Variants in PPM1E observed in about 807,000 individuals in gnomAD.
PPM1E encodes protein phosphatase 1E.
PPM1E carries 20 observed loss-of-function variants against 65.9 expected under a neutral mutation model. The ratio of observed to expected loss-of-function variants is 0.30; its 90% CI spans 0.21 to 0.44. PPM1E has a LOEUF of 0.44. PPM1E is among the 20% of genes least tolerant of loss of function. PPM1E has a pLI of 1.00. For missense variants in PPM1E, 713 were observed against 953.1 expected (o/e 0.75, Z 3.32); for synonymous variants, 352 against 374.9 (o/e 0.94, Z 0.70).
intron 1 of PPM1E, among the ~76,000 whole-genome samples, chr17:58,822,807 G>C (rs531421738): frequency 6.6e-6 from 1 of 152,262 alleles, no homozygotes; most frequent in African/African-American, 2.4e-5. Context: ...GATAATTAAA[G>C]TTATGCTATC....
intron 1 of PPM1E, among the ~76,000 whole-genome samples, chr17:58,908,633 T>C (rs1485435739): frequency 6.6e-6 from 1 of 151,564 alleles, no homozygotes; most frequent in Non-Finnish European, 1.5e-5. Flanking sequence ...AGAGATGGGG[T>C]TTCGCCATGT....
chr17:58,799,505 C>T (rs909850246), intron 1 of PPM1E, among the ~76,000 whole-genome samples: 1 of 151,984 alleles, frequency 6.6e-6, no homozygotes, highest in African/African-American at 2.4e-5. Context: ...TGCAGTGGCA[C>T]GATCTTGGCT....
At chr17:58,804,060 C>A (rs1429606232) in intron 1 of PPM1E, among the ~76,000 whole-genome samples, 2 of 152,138 alleles carry the variant, frequency 1.3e-5, no homozygotes, top group Admixed American at 1.3e-4. Flanking sequence ...TCTCAAGTAG[C>A]TGAGACTACA....
At chr17:58,973,008 G>A (rs1305585918) in intron 6 of PPM1E, 83 bp downstream of exon 6, 2 of 861,574 alleles carry the variant, frequency 2.3e-6, no homozygotes, top group Non-Finnish European at 3.7e-6. Context: ...GGGAACCTGA[G>A]ATGATAATTT....
At chr17:58,966,417 G>GA in intron 3 of PPM1E, 1 of 104,118 alleles carries the variant, frequency 9.6e-6, no homozygotes, top group Admixed American at 1.6e-4. Context: ...AAGCAGTTTT[G>GA]TAAAAAAAAA....
At chr17:58,893,377 T>C (rs1031593670) in intron 1 of PPM1E, among the ~76,000 whole-genome samples, 1 of 152,134 alleles carries the variant, frequency 6.6e-6, no homozygotes, top group African/African-American at 2.4e-5. Flanking sequence ...TATTGTATGA[T>C]TGCAACTATA....
intron 1 of PPM1E, among the ~76,000 whole-genome samples, chr17:58,795,025 G>T (rs1349398771): frequency 6.6e-6 from 1 of 151,642 alleles, no homozygotes; most frequent in Non-Finnish European, 1.5e-5. Flanking sequence ...AGTAGCTGGG[G>T]TTACAGGAGC....
intron 1 of PPM1E, among the ~76,000 whole-genome samples, chr17:58,913,682 G>A (rs528998331): frequency 6.6e-6 from 1 of 152,180 alleles, no homozygotes; most frequent in Admixed American, 6.5e-5. Flanking sequence ...TGAACTCATA[G>A]GGAATCTAAG....
intron 2 of PPM1E, among the ~76,000 whole-genome samples, chr17:58,961,439 C>T (rs564430184): frequency 7.6e-4 from 116 of 152,222 alleles, no homozygotes; most frequent in Middle Eastern, 3.4e-3. Flanking sequence ...AATGATGTTA[C>T]CTATTTGTGA....
chr17:58,778,195 G>T lies in PPM1E; in HGVS notation c.464+21734G>T, dbSNP rs564847342. Among the ~76,000 whole-genome samples the T allele has an allele frequency of 3.9e-5, 6 of 152,148 alleles. No homozygotes were observed. In the South Asian group the frequency reaches 1.0e-3, roughly 26 times the overall value. On this transcript the variant is annotated intron_variant, in intron 1 of 6. Coordinates refer to ENST00000308249, the MANE Select transcript of PPM1E (RefSeq NM_014906.5). Reference sequence around the variant, plus strand: ...GCTCCCTGCAAACTCCGCCTGGCAGGTTCAAACAATTATCCTGCCTCAGCC... The same window carrying T: ...GCTCCCTGCAAACTCCGCCTGGCAGTTTCAAACAATTATCCTGCCTCAGCC...
chr17:58,964,987 G>T (rs1307387430), intron 2 of PPM1E, among the ~76,000 whole-genome samples: 1 of 151,460 alleles, frequency 6.6e-6, no homozygotes, highest in African/African-American at 2.4e-5. Context: ...GGAGGTTGCA[G>T]TGAGCCAAGA....
intron 1 of PPM1E, among the ~76,000 whole-genome samples, chr17:58,859,280 A>T (rs2050914324): frequency 6.6e-6 from 1 of 152,194 alleles, no homozygotes; most frequent in Admixed American, 6.5e-5. Context: ...ACCTTTCCTG[A>T]TCATTTACAG....
At chr17:58,950,679 A>T (rs1467531080) in intron 1 of PPM1E, among the ~76,000 whole-genome samples, 10 of 145,920 alleles carry the variant, frequency 6.9e-5, no homozygotes, top group Admixed American at 1.4e-4. Flanking sequence ...AAGTTCAAAA[A>T]TTTTTTCTTC....
intron 1 of PPM1E, among the ~76,000 whole-genome samples, chr17:58,949,455 T>TTTG (rs748700439): frequency 6.6e-6 from 1 of 152,308 alleles, no homozygotes; most frequent in South Asian, 2.1e-4. Context: ...GTTTGTTTGC[T>TTTG]TTGTTGTTGT....
intron 1 of PPM1E, among the ~76,000 whole-genome samples, chr17:58,953,816 C>T (rs949301876): frequency 1.4e-5 from 2 of 148,140 alleles, no homozygotes; most frequent in African/African-American, 2.5e-5. Flanking sequence ...GGCACGATCT[C>T]GGCTCACCGC....
intron 1 of PPM1E, among the ~76,000 whole-genome samples, chr17:58,843,120 C>G (rs2050736239): frequency 6.6e-6 from 1 of 151,784 alleles, no homozygotes; most frequent in South Asian, 2.1e-4. Context: ...CTTGTCTCTA[C>G]TAAAAATACA....
chr17:58,975,047 T>A (rs1391111592), intron 6 of PPM1E, among the ~76,000 whole-genome samples: 2 of 152,212 alleles, frequency 1.3e-5, no homozygotes, highest in African/African-American at 4.8e-5. Flanking sequence ...AAAGTCTTTA[T>A]CATGCACATT....
At chr17:58,771,373 C>G (rs2049936504) in intron 1 of PPM1E, among the ~76,000 whole-genome samples, 1 of 151,534 alleles carries the variant, frequency 6.6e-6, no homozygotes, top group African/African-American at 2.4e-5. Flanking sequence ...CATGGTGGCT[C>G]CCAGCACTTT....
intron 1 of PPM1E, among the ~76,000 whole-genome samples, chr17:58,830,275 CTGT>C (rs570368314): frequency 2.3e-4 from 32 of 141,514 alleles, no homozygotes; most frequent in Middle Eastern, 3.6e-3. Context: ...TCAGCTTTCA[CTGT>C]TGTTGTTGTT....
Sources: gnomAD v4.1 joint callset for allele counts (sites outside exome capture counted in the v4.1 genomes callset) on GRCh38, gnomAD v4.1.1 for gene constraint, MANE v1.5 for transcripts, NCBI Gene and HGNC (gene_info 2026-07-23, HGNC 2026-07-21) for gene names.